CCDC3: variants seen among roughly 807,000 people sequenced by gnomAD.
CCDC3 encodes the protein coiled-coil domain containing 3.
A neutral mutation model predicts 21.4 loss-of-function variants in CCDC3; 24 were observed. The observed-to-expected ratio is 1.12, with a 90% CI of 0.81 to 1.58. The LOEUF is 1.58. Ranked by LOEUF, CCDC3 falls within the 40% of genes most tolerant of loss-of-function variation. The pLI is 0.00. For synonymous variants in CCDC3, 186 were observed against 166.0 expected (o/e 1.12, Z -0.93); for missense variants, 425 against 360.9 (o/e 1.18, Z -1.44).
intron 5 of CCDC3, among the ~76,000 whole-genome samples, chr10:13,014,643 C>CTTGA (rs1393547314): frequency 8.6e-5 from 13 of 151,846 alleles, no homozygotes; most frequent in African/African-American, 2.9e-4. Context: ...TTTCTATGCC[C>CTTGA]TTGATTGTAG....
At chr10:12,924,701 C>T (rs1024419840) in intron 2 of CCDC3, 1 of 152,188 alleles carries the variant, frequency 6.6e-6, no homozygotes, top group Non-Finnish European at 1.5e-5. Context: ...CTCCTCTTCT[C>T]TTATCCAGGT....
intron 5 of CCDC3, among the ~76,000 whole-genome samples, chr10:13,016,605 T>C (rs1836065468): frequency 6.6e-6 from 1 of 151,788 alleles, no homozygotes; most frequent in East Asian, 1.9e-4. Context: ...TTGAATCCCT[T>C]CCCCCGGGGT....
chr10:13,079,576 C>T (rs915940816), intron 3 of CCDC3, among the ~76,000 whole-genome samples: 3 of 151,914 alleles, frequency 2.0e-5, no homozygotes, highest in Non-Finnish European at 4.4e-5. Context: ...AAAAGAAAAG[C>T]CACGGGGTTG....
At chr10:13,058,012 C>A in intron 4 of CCDC3, 1 of 716,720 alleles carries the variant, frequency 1.4e-6, no homozygotes, top group Middle Eastern at 4.0e-4. Flanking sequence ...ATTGAAAGAA[C>A]TGTTTCTTGT....
chr10:12,953,900 A>G (rs1835045419), intron 2 of CCDC3, among the ~76,000 whole-genome samples: 1 of 152,358 alleles, frequency 6.6e-6, no homozygotes, highest in South Asian at 2.1e-4. Flanking sequence ...TTTGTGGGCC[A>G]TCCCATTTCT....
intron 3 of CCDC3, among the ~76,000 whole-genome samples, chr10:13,080,291 A>C (rs936397407): frequency 2.0e-5 from 3 of 152,254 alleles, no homozygotes; most frequent in Admixed American, 2.0e-4. Context: ...AGAAAGACAC[A>C]GAAGGTAAGA....
intron 1 of CCDC3, among the ~76,000 whole-genome samples, chr10:13,000,604 C>T (rs1172453472): frequency 6.6e-6 from 1 of 152,158 alleles, no homozygotes; most frequent in Non-Finnish European, 1.5e-5. Context: ...TCCCGGGCTA[C>T]ATTCCACACC....
chr10:13,084,661 C>A (rs1396489876), intron 3 of CCDC3, among the ~76,000 whole-genome samples: 2 of 152,170 alleles, frequency 1.3e-5, no homozygotes, highest in African/African-American at 4.8e-5. Context: ...TGCACGAGAT[C>A]CAATAACCCT....
intron 2 of CCDC3, among the ~76,000 whole-genome samples, chr10:12,920,693 T>C (rs2131215910): frequency 6.6e-6 from 1 of 152,348 alleles, no homozygotes; most frequent in Non-Finnish European, 1.5e-5. Context: ...ACACGTATCT[T>C]ATTATATTCT....
chr10:12,918,781 C>T (rs887443273), intron 2 of CCDC3, among the ~76,000 whole-genome samples: 13 of 152,192 alleles, frequency 8.5e-5, no homozygotes, highest in South Asian at 2.1e-4. Context: ...TGGCCGGGCA[C>T]GGTGGCTCAT....
intron 5 of CCDC3, among the ~76,000 whole-genome samples, chr10:13,024,177 GT>G (rs1368507572): frequency 6.6e-6 from 1 of 151,612 alleles, no homozygotes; most frequent in Non-Finnish European, 1.5e-5. Flanking sequence ...CCCCATAGAA[GT>G]TTGGCGGTCT....
intron 2 of CCDC3, among the ~76,000 whole-genome samples, chr10:12,978,776 TC>T (rs1489103022): frequency 5.3e-5 from 8 of 152,164 alleles, no homozygotes; most frequent in Non-Finnish European, 8.8e-5. Context: ...GAGGACCCTT[TC>T]CTTAGAGCAG....
intron 2 of CCDC3, among the ~76,000 whole-genome samples, chr10:12,909,775 T>TCC (rs1455307013): frequency 2.0e-5 from 3 of 152,300 alleles, no homozygotes; most frequent in African/African-American, 7.2e-5. Context: ...TCCTGCTCCC[T>TCC]CCCCACTGGT....
chr10:12,984,960 T>C (rs554805291), intron 2 of CCDC3, among the ~76,000 whole-genome samples: 1 of 152,300 alleles, frequency 6.6e-6, no homozygotes, highest in East Asian at 1.9e-4. Context: ...GGTTATAAAA[T>C]GTTCTGAAGT....
Position 12,996,992 on chromosome 10 carries a change from C to T in CCDC3, c.549+1346G>A, listed in dbSNP as rs146389498. 2.0e-4 allele frequency among the ~76,000 whole-genome samples: 31 copies of T among 152,140 alleles called. 1 individual carries two copies. In the South Asian group the frequency reaches 5.8e-3, roughly 29 times the overall value. ...AGGTACTGTGCTCACTACCTGGGTG[C>T]GAAACGATTGGTATACCAAACCCCA... is the stretch of plus-strand genomic sequence containing the variant. On this transcript the variant is annotated intron_variant, in intron 2 of 2. Coordinates refer to ENST00000378825, the MANE Select transcript of CCDC3 (RefSeq NM_031455.4).
intron 2 of CCDC3, among the ~76,000 whole-genome samples, chr10:12,906,268 C>T (rs1834170287): frequency 6.6e-6 from 1 of 152,182 alleles, no homozygotes; most frequent in Admixed American, 6.5e-5. Flanking sequence ...GGCTTGGCAG[C>T]TCGTTCTCTG....
chr10:12,899,710 C>A (rs1199518601), intron 2 of CCDC3, among the ~76,000 whole-genome samples: 1 of 152,096 alleles, frequency 6.6e-6, no homozygotes, highest in Admixed American at 6.5e-5. Flanking sequence ...TAGTGTGATA[C>A]CAAGAGTGCG....
chr10:13,010,987 C>A (rs1012086290), intron 5 of CCDC3, among the ~76,000 whole-genome samples: 1 of 152,144 alleles, frequency 6.6e-6, no homozygotes, highest in East Asian at 1.9e-4. Context: ...CGAGATCAGC[C>A]TGGCCAACAT....
chr10:12,989,743 C>T (rs927166873), intron 2 of CCDC3, among the ~76,000 whole-genome samples: 1 of 152,096 alleles, frequency 6.6e-6, no homozygotes, highest in Non-Finnish European at 1.5e-5. Flanking sequence ...TTAGGCAGTC[C>T]ATGAGATCAA....
Sources: allele counts gnomAD v4.1 joint callset (sites outside exome capture counted in the v4.1 genomes callset), GRCh38; gene constraint gnomAD v4.1.1; transcripts MANE v1.5; gene names NCBI Gene and HGNC (gene_info 2026-07-23, HGNC 2026-07-21).